The following SLC4A7 variants were observed in gnomAD, a reference collection of about 807,000 sequenced individuals.
The protein encoded by SLC4A7 is solute carrier family 4 member 7.
A neutral mutation model predicts 137.6 loss-of-function variants in SLC4A7; 51 were observed. The ratio of observed to expected loss-of-function variants is 0.37; its 90% CI spans 0.30 to 0.47. The LOEUF (loss-of-function observed/expected upper bound fraction) is 0.47. Ranked by LOEUF, SLC4A7 falls within the 20% of genes least tolerant of loss-of-function variation. The pLI, the probability that SLC4A7 is intolerant of heterozygous loss-of-function variation, is 1.00. For synonymous variants in SLC4A7, 542 were observed against 518.6 expected, an observed-to-expected ratio of 1.05 and a Z score of -0.61; for missense variants, 1,247 against 1,525.4, an observed-to-expected ratio of 0.82 and a Z score of 3.04.
At chr3:27,437,636 T>G in intron 3 of SLC4A7, 110 bp from the exon 4 acceptor site, 1 of 521,202 alleles carries the variant, frequency 1.9e-6, no homozygotes. Context: ...AACAAATATA[T>G]TTCATCAAAA....
intron 9 of SLC4A7, among the ~76,000 whole-genome samples, 178 bp from the exon 10 acceptor site, chr3:27,420,965 A>G (rs2054906841): frequency 1.3e-5 from 2 of 152,056 alleles, no homozygotes; most frequent in Admixed American, 6.5e-5. Context: ...AAAGGAAATC[A>G]GAAAACTAGG....
At chr3:27,426,841 C>T (rs1298706488) in intron 7 of SLC4A7, among the ~76,000 whole-genome samples, 1 of 152,114 alleles carries the variant, frequency 6.6e-6, no homozygotes, top group Non-Finnish European at 1.5e-5. Context: ...AGTAAAGTCT[C>T]CCTGCTCCTA....
chr3:27,393,996 T>G (rs2051870357), intron 20 of SLC4A7, among the ~76,000 whole-genome samples: 1 of 152,062 alleles, frequency 6.6e-6, no homozygotes. Context: ...TATGAGCGTT[T>G]TATACATATA....
intron 16 of SLC4A7, among the ~76,000 whole-genome samples, chr3:27,399,897 G>C (rs1271044306): frequency 6.6e-6 from 1 of 152,146 alleles, no homozygotes; most frequent in Non-Finnish European, 1.5e-5. Flanking sequence ...TTAATCTTAA[G>C]TTTAAATAGA....
At chr3:27,381,013 G>A (rs371006714) in intron 24 of SLC4A7, among the ~76,000 whole-genome samples, 3 of 152,024 alleles carry the variant, frequency 2.0e-5, no homozygotes, top group South Asian at 4.2e-4. Context: ...CTTTTATAAG[G>A]GCTTTACAGT....
intron 23 of SLC4A7, among the ~76,000 whole-genome samples, chr3:27,384,190 A>T (rs193157891): frequency 9.7e-4 from 147 of 152,160 alleles, no homozygotes; most frequent in African/African-American, 3.3e-3. Context: ...AAAAACAAAA[A>T]CAAAAACCCC....
chr3:27,374,723 C>T lies in SLC4A7; in HGVS notation c.*2041G>A, dbSNP rs2049785468. 1 of 152,434 alleles carries T rather than the reference C, an allele frequency of 6.6e-6. No homozygotes were observed. The highest frequency in any genetic ancestry group is 1.9e-4 in the East Asian group (1 of 5,196). The allele number at this position is 152,434 out of a possible 1,614,324, so 9.4% of individuals were successfully genotyped here. A position where few individuals can be genotyped will look rare whatever the true frequency, so the allele number is the denominator to read the frequency against. ...TAAAATCACAGAAACACTATGATCC[C>T]AGGTAGTTTTCAGTTTTAAAATTTC... On this transcript the variant is annotated 3_prime_UTR_variant, in exon 26 of 26. Coordinates refer to ENST00000454389, the MANE Select transcript of SLC4A7 (RefSeq NM_001321103.2).
intron 1 of SLC4A7, among the ~76,000 whole-genome samples, chr3:27,460,346 TG>T (rs1474706774): frequency 1.3e-5 from 2 of 152,196 alleles, no homozygotes; most frequent in African/African-American, 4.8e-5. Flanking sequence ...TATATTTTTT[TG>T]TATCAAGGTG....
chr3:27,430,425 C>T (rs190643868), intron 7 of SLC4A7, among the ~76,000 whole-genome samples: 1 of 151,872 alleles, frequency 6.6e-6, no homozygotes, highest in South Asian at 2.1e-4. Flanking sequence ...GAGTTCAAGA[C>T]CAGCCTGGGC....
In SLC4A7 at chr3:27,480,672, G is replaced by A. The variant is rs78816027; in HGVS notation, c.60+3395C>T. 6.1e-3 allele frequency among the ~76,000 whole-genome samples: 934 copies of A among 152,118 alleles called. 16 individuals are homozygous for A. Among genetic ancestry groups the A allele is most frequent in the African/African-American group, 0.021 (882 of 41,482 alleles). Reference sequence around the variant, plus strand: ...CCACATCAATACCTAGTATCAATACGTAACTGTGATTCCCCAAACAGAATG... The same window carrying A: ...CCACATCAATACCTAGTATCAATACATAACTGTGATTCCCCAAACAGAATG... On this transcript the variant is annotated intron_variant, in intron 1 of 25. Transcript: ENST00000454389.
rs1233642421 is a variant in SLC4A7, at chr3:27,376,200, A to C, written c.*564T>G. The C allele has an allele frequency of 6.6e-6, 1 of 152,112 alleles. No homozygotes were observed. Among genetic ancestry groups the C allele is most frequent in the Non-Finnish European group, 1.5e-5 (1 of 67,944 alleles). 9.4% of individuals were successfully genotyped at this position (152,112 alleles called of 1,614,324 possible). A position where few individuals can be genotyped will look rare whatever the true frequency, so the allele number is the denominator to read the frequency against. On this transcript the variant is annotated 3_prime_UTR_variant, in exon 26 of 26. Transcript: ENST00000454389. ...AAAAGTTAAAAACTATCATTATTAA[A>C]GTTTCTATTGTTCTACAGTCATCTC...
At chr3:27,471,734 A>C (rs2059256032) in intron 1 of SLC4A7, among the ~76,000 whole-genome samples, 2 of 152,178 alleles carry the variant, frequency 1.3e-5, no homozygotes, top group Non-Finnish European at 1.5e-5. Flanking sequence ...TACAAGTCCC[A>C]GGCCTGCATT....
chr3:27,455,100 A>C (rs2058322590), intron 1 of SLC4A7, among the ~76,000 whole-genome samples: 1 of 152,016 alleles, frequency 6.6e-6, no homozygotes, highest in South Asian at 2.1e-4. Flanking sequence ...GAGAAAGTTC[A>C]ACTTCTCTGA....
chr3:27,451,385 T>C (rs1016901677), intron 2 of SLC4A7, among the ~76,000 whole-genome samples: 12 of 152,082 alleles, frequency 7.9e-5, no homozygotes, highest in Admixed American at 2.0e-4. Context: ...ATAGTTAACA[T>C]CATCAATAAT....
intron 24 of SLC4A7, among the ~76,000 whole-genome samples, chr3:27,380,469 T>C (rs1303486780): frequency 2.0e-5 from 3 of 152,072 alleles, no homozygotes; most frequent in Non-Finnish European, 2.9e-5. Context: ...TCATAAGTAA[T>C]AGGAAAGTAT....
At chr3:27,460,347 G>T (rs1002783554) in intron 1 of SLC4A7, among the ~76,000 whole-genome samples, 1 of 151,972 alleles carries the variant, frequency 6.6e-6, no homozygotes, top group Non-Finnish European at 1.5e-5. Flanking sequence ...ATATTTTTTT[G>T]TATCAAGGTG....
chr3:27,398,444 G>A, intron 16 of SLC4A7, 91 bp from the exon 17 acceptor site: 2 of 1,077,926 alleles, frequency 1.9e-6, no homozygotes, highest in Admixed American at 2.4e-5. Flanking sequence ...AGATGCAACT[G>A]ATTGTAAGAG....
Position 27,431,684 on chromosome 3 carries a change from A to G in SLC4A7, c.779-15T>C. On this transcript the variant is annotated splice_polypyrimidine_tract_variant and intron_variant, in intron 6 of 25. Coordinates refer to ENST00000454389, the MANE Select transcript of SLC4A7 (RefSeq NM_001321103.2). Reference sequence around the variant, plus strand: ...AAGGCCTTCCCCTGAGATAAAACAAATAAATGAAAAATGATGAAGTCCACT... The same window carrying G: ...AAGGCCTTCCCCTGAGATAAAACAAGTAAATGAAAAATGATGAAGTCCACT... 1 of 1,512,312 alleles carries G rather than the reference A, an allele frequency of 6.6e-7. No homozygotes were observed. The allele number at this position is 1,512,312 out of a possible 1,614,324, so 93.7% of individuals were successfully genotyped here.
At chr3:27,464,366 T>A (rs936233192) in intron 1 of SLC4A7, among the ~76,000 whole-genome samples, 2 of 152,158 alleles carry the variant, frequency 1.3e-5, no homozygotes, top group Non-Finnish European at 2.9e-5. Flanking sequence ...AAAAGATAAC[T>A]GATAATTCAT....
Sources: gnomAD v4.1 joint callset for allele counts (sites outside exome capture counted in the v4.1 genomes callset) on GRCh38, gnomAD v4.1.1 for gene constraint, MANE v1.5 for transcripts, NCBI Gene and HGNC (gene_info 2026-07-23, HGNC 2026-07-21) for gene names.